The following GGACT variants were observed in gnomAD, a reference collection of about 807,000 sequenced individuals.
GGACT encodes gamma-glutamylamine cyclotransferase.
For missense variants in GGACT, 241 were observed against 233.2 expected (o/e 1.03, Z -0.22); for synonymous variants, 118 against 115.3 (o/e 1.02, Z -0.15).
At chr13:100,555,456 G>T (rs1327099709) in intron 2 of GGACT, among the ~76,000 whole-genome samples, 2 of 152,120 alleles carry the variant, frequency 1.3e-5, no homozygotes, top group African/African-American at 4.8e-5. Context: ...CCTGAGCCCA[G>T]GAGGTCGAGG....
Position 100,558,507 on chromosome 13 carries a change from G to A in GGACT, c.-11+25318C>T, listed in dbSNP as rs1209101312. Reference sequence around the variant, plus strand: ...TGAAGACTATTAATACCAAGTGTTGGCAAGATGTAGAGTAACTGAAATGCT... The same window carrying A: ...TGAAGACTATTAATACCAAGTGTTGACAAGATGTAGAGTAACTGAAATGCT... On this transcript the variant is annotated intron_variant, in intron 2 of 2. Coordinates refer to ENST00000683975, the MANE Select transcript of GGACT (RefSeq NM_001195087.2). Among the ~76,000 whole-genome samples, 5 of 152,150 alleles carry A rather than the reference G, an allele frequency of 3.3e-5. No homozygotes were observed. In the South Asian group the frequency reaches 6.2e-4, roughly 19 times the overall value.
chr13:100,550,071 A>C (rs765341413), intron 2 of GGACT, among the ~76,000 whole-genome samples: 7 of 152,154 alleles, frequency 4.6e-5, no homozygotes, highest in Non-Finnish European at 1.0e-4. Flanking sequence ...GGGGAAGGCA[A>C]TTCGGCATGT....
At chr13:100,585,811 C>T (rs1274322312) in intron 1 of GGACT, among the ~76,000 whole-genome samples, 13 of 100,652 alleles carry the variant, frequency 1.3e-4, no homozygotes, top group African/African-American at 4.7e-4. Flanking sequence ...CTGGGCAATA[C>T]CTGTCTCCAC....
intron 2 of GGACT, among the ~76,000 whole-genome samples, chr13:100,564,650 T>C (rs570623349): frequency 6.6e-6 from 1 of 152,362 alleles, no homozygotes; most frequent in East Asian, 1.9e-4. Context: ...GTACACATTT[T>C]CTAAGAGCAT....
At chr13:100,549,176 T>C (rs1356342389) in intron 2 of GGACT, among the ~76,000 whole-genome samples, 4 of 152,078 alleles carry the variant, frequency 2.6e-5, no homozygotes, top group African/African-American at 9.7e-5. Flanking sequence ...AAGCCCTGTC[T>C]CTACTAAAAA....
intron 2 of GGACT, among the ~76,000 whole-genome samples, chr13:100,550,686 G>A (rs991474570): frequency 3.9e-5 from 6 of 152,162 alleles, no homozygotes; most frequent in Non-Finnish European, 8.8e-5. Flanking sequence ...GGAATGCCCC[G>A]AGAGAACGTG....
rs980989467 is a variant in GGACT at position 100,532,146 on chromosome 13, G to C, written c.446C>G (p.Pro149Arg). ...CCGTCCCCCTTATCTGTTCTCCCGG[G>C]GGTTGTAGCGCAGCCCGTGCGGCCC... is the stretch of plus-strand genomic sequence containing the variant. ...SEGPHGLRYN[P>R]RENR The change falls in exon 3 of 3, where the codon CCC (proline) becomes CGC (arginine). Residue 149 changes from proline to arginine, a missense_variant. Physicochemically the swap from Pro to Arg is moderately radical, Grantham distance 103. Coordinates refer to ENST00000683975, the MANE Select transcript of GGACT (RefSeq NM_001195087.2). 14 of 1,451,620 alleles carry C rather than the reference G, an allele frequency of 9.6e-6. No individual in the cohort carries two copies. Among genetic ancestry groups the C allele is most frequent in the East Asian group, 5.0e-5 (2 of 39,756 alleles). The allele number at this position is 1,451,620 out of a possible 1,614,324, so 89.9% of individuals were successfully genotyped here. A position where few individuals can be genotyped will look rare whatever the true frequency, so the allele number is the denominator to read the frequency against.
At chr13:100,571,521 C>T (rs1418822207) in intron 2 of GGACT, among the ~76,000 whole-genome samples, 1 of 151,962 alleles carries the variant, frequency 6.6e-6, no homozygotes, top group African/African-American at 2.4e-5. Context: ...CTCATTTGGC[C>T]AGGCTGGTTT....
At chr13:100,569,264 G>A (rs1440450726) in intron 2 of GGACT, among the ~76,000 whole-genome samples, 1 of 152,242 alleles carries the variant, frequency 6.6e-6, no homozygotes, top group Non-Finnish European at 1.5e-5. Flanking sequence ...CTCTATGAGG[G>A]CTCTGCCCCT....
intron 2 of GGACT, among the ~76,000 whole-genome samples, chr13:100,535,546 C>T (rs1315321398): frequency 6.6e-6 from 1 of 152,134 alleles, no homozygotes; most frequent in African/African-American, 2.4e-5. Flanking sequence ...CACACGTGGT[C>T]CTGTGTGATC....
At chr13:100,543,225 T>TTTTTTTTTTTTTTTTTTTTTTTTTG (rs2088571281) in intron 2 of GGACT, among the ~76,000 whole-genome samples, 1 of 139,936 alleles carries the variant, frequency 7.1e-6, no homozygotes, top group African/African-American at 2.8e-5. Flanking sequence ...TTTTTTTTTT[T>TTTTTTTTTTTTTTTTTTTTTTTTTG]GAGACGGAGT....
At chr13:100,573,497 G>T (rs1426870900) in intron 2 of GGACT, among the ~76,000 whole-genome samples, 2 of 152,066 alleles carry the variant, frequency 1.3e-5, no homozygotes, top group African/African-American at 4.8e-5. Context: ...CAGATGTAAT[G>T]GTCAATTAAT....
In GGACT at chr13:100,588,060, T is replaced by C. The variant is rs568781527; in HGVS notation, c.-184+681A>G. On this transcript the variant is annotated intron_variant, in intron 1 of 2. Coordinates refer to ENST00000683975, the MANE Select transcript of GGACT (RefSeq NM_001195087.2). Reference sequence around the variant, plus strand: ...AAAGGGCCAGAAATCGACTGCATTTTCTTATCACTTAAATATTAAATCAAC... The same window carrying C: ...AAAGGGCCAGAAATCGACTGCATTTCCTTATCACTTAAATATTAAATCAAC... 4.6e-5 allele frequency among the ~76,000 whole-genome samples: 7 copies of C among 152,340 alleles called. No individual in the cohort carries two copies. The South Asian group carries it at 1.4e-3, about 32-fold the overall frequency.
chr13:100,581,718 C>A (rs1285699467), intron 2 of GGACT, among the ~76,000 whole-genome samples: 3 of 152,156 alleles, frequency 2.0e-5, no homozygotes, highest in Non-Finnish European at 4.4e-5. Context: ...GAAAGTGTGA[C>A]TTTACAGTGG....
rs370588119 is a variant in GGACT at position 100,565,512 on chromosome 13, C to T, written c.-11+18313G>A. Among the ~76,000 whole-genome samples the T allele has an allele frequency of 6.1e-5, 9 of 146,988 alleles. No homozygotes were observed. In the East Asian group the frequency reaches 6.2e-4, roughly 10 times the overall value. ...TTGAAACGAGGTCGCTGCCTTGTAG[C>T]TTTCACAGCAAAAGGATTCTGCAAA... On this transcript the variant is annotated intron_variant, in intron 2 of 2. Transcript: ENST00000683975.
chr13:100,563,778 G>A (rs910551621), intron 2 of GGACT, among the ~76,000 whole-genome samples: 1 of 152,270 alleles, frequency 6.6e-6, no homozygotes, highest in African/African-American at 2.4e-5. Context: ...AGAGAAGAAT[G>A]AATTTTGTGT....
intron 2 of GGACT, among the ~76,000 whole-genome samples, chr13:100,556,548 A>G (rs1481936496): frequency 1.3e-5 from 2 of 152,190 alleles, no homozygotes; most frequent in African/African-American, 2.4e-5. Flanking sequence ...ATTCTCCCCA[A>G]ATTGAGGTAG....
At chr13:100,540,290 G>A in intron 2 of GGACT, 1 of 1,035,392 alleles carries the variant, frequency 9.7e-7, no homozygotes, top group Non-Finnish European at 1.5e-6. Flanking sequence ...TTTTCTTTTG[G>A]GGGAGATTTT....
At chr13:100,543,445 A>T (rs1388061389) in intron 2 of GGACT, among the ~76,000 whole-genome samples, 3 of 151,948 alleles carry the variant, frequency 2.0e-5, no homozygotes, top group South Asian at 2.1e-4. Context: ...TGACCTTGTG[A>T]TCCGCCCACC....
Sources: allele counts gnomAD v4.1 joint callset (sites outside exome capture counted in the v4.1 genomes callset), GRCh38; gene constraint gnomAD v4.1.1; transcripts MANE v1.5; gene names NCBI Gene and HGNC (gene_info 2026-07-23, HGNC 2026-07-21).